The following KCTD1 variants were observed in gnomAD, a reference collection of about 807,000 sequenced individuals.
KCTD1 encodes BTB/POZ domain-containing protein KCTD1.
In KCTD1, 24 loss-of-function variants were observed where a neutral mutation model predicts 66.0. That is an observed-to-expected ratio of 0.36 (90% CI 0.26 to 0.51). The LOEUF (loss-of-function observed/expected upper bound fraction) is 0.51, where lower values mean the gene tolerates loss of function less well. Ranked by LOEUF, KCTD1 falls within the 20% of genes least tolerant of loss-of-function variation. The pLI is 0.95. For synonymous variants in KCTD1, 511 were observed against 517.2 expected (o/e 0.99, Z 0.16); for missense variants, 943 against 1,205.2 (o/e 0.78, Z 3.22).
In KCTD1 at chr18:26,619,242, C is replaced by T. The variant is rs1025836200; in HGVS notation, c.-16+9905G>A. 3.9e-5 allele frequency among the ~76,000 whole-genome samples: 6 copies of T among 152,220 alleles called. 1 individual carries two copies. The South Asian group carries it at 6.2e-4, about 16-fold the overall frequency. ...ATGCCACTGGTATACCCACTCCATACTTCCTGCTACAGTGTGTCTTAAATG... is the reference window on the plus strand; with the variant it reads ...ATGCCACTGGTATACCCACTCCATATTTCCTGCTACAGTGTGTCTTAAATG... On this transcript the variant is annotated intron_variant, in intron 1 of 4. Coordinates refer to the KCTD1 transcript ENST00000317932.
intron 1 of KCTD1, among the ~76,000 whole-genome samples, chr18:26,626,907 G>A (rs1416926002): frequency 6.6e-6 from 1 of 152,168 alleles, no homozygotes; most frequent in African/African-American, 2.4e-5. Context: ...GAACAGAAAG[G>A]AGCCACTACG....
chr18:26,582,280 A>C (rs1986372642), intron 1 of KCTD1, among the ~76,000 whole-genome samples: 1 of 152,068 alleles, frequency 6.6e-6, no homozygotes, highest in African/African-American at 2.4e-5. Flanking sequence ...CTAAAAAAAA[A>C]AAAAAAGTCA....
At chr18:26,656,813 G>A (rs959191860) in intron 1 of KCTD1, among the ~76,000 whole-genome samples, 2 of 150,416 alleles carry the variant, frequency 1.3e-5, no homozygotes, top group African/African-American at 4.9e-5. Context: ...CCCCCGCGGC[G>A]CTGGGCGCTC....
At chr18:26,538,833 G>T (rs1216026491) in intron 1 of KCTD1, among the ~76,000 whole-genome samples, 1 of 152,164 alleles carries the variant, frequency 6.6e-6, no homozygotes, top group Non-Finnish European at 1.5e-5. Context: ...ATGTGGCTCT[G>T]GAGTCTGTTC....
upstream of KCTD1, chr18:26,549,113 A>G (rs900056718): frequency 3.5e-5 from 34 of 984,832 alleles, no homozygotes; most frequent in African/African-American, 4.9e-4. Context: ...GGAGCGGAGC[A>G]GGCAGGTTAA....
upstream of KCTD1, among the ~76,000 whole-genome samples, chr18:26,631,004 TGATTA>T (rs1987607330): frequency 6.6e-6 from 1 of 152,238 alleles, no homozygotes; most frequent in Admixed American, 6.5e-5. Flanking sequence ...TATGCTTTTC[TGATTA>T]GATGGTGGTG....
In KCTD1 at chr18:26,513,998, T is replaced by C. The variant is rs186690061; in HGVS notation, c.1810-12748A>G. On this transcript the variant is annotated intron_variant, in intron 1 of 4. Transcript: ENST00000580059. ...GCAGGAGAAAACAGCAAATAAAATA[T>C]GGTGCTTAATAAGCAAAATGCCTAC... is the stretch of plus-strand genomic sequence containing the variant. Among the ~76,000 whole-genome samples the C allele has an allele frequency of 2.0e-3, 312 of 152,338 alleles. 1 individual carries two copies. The highest frequency in any genetic ancestry group is 3.4e-3 in the Non-Finnish European group (232 of 68,030).
intron 1 of KCTD1, among the ~76,000 whole-genome samples, chr18:26,614,346 C>A (rs909068479): frequency 6.6e-6 from 1 of 152,222 alleles, no homozygotes; most frequent in Admixed American, 6.5e-5. Flanking sequence ...AAGAAGCTCA[C>A]CTTCTAATAG....
upstream of KCTD1, among the ~76,000 whole-genome samples, chr18:26,642,973 G>A (rs1987860369): frequency 6.6e-6 from 1 of 152,208 alleles, no homozygotes; most frequent in Non-Finnish European, 1.5e-5. Context: ...GTGGAAGCAG[G>A]AGGCAGGGAG....
intron 1 of KCTD1, among the ~76,000 whole-genome samples, chr18:26,515,477 G>A (rs1043593769): frequency 6.6e-6 from 1 of 151,612 alleles, no homozygotes; most frequent in Non-Finnish European, 1.5e-5. Flanking sequence ...TGACCCACTA[G>A]GGCTTAGACT....
At chr18:26,573,019 C>A (rs1392124924) in intron 1 of KCTD1, among the ~76,000 whole-genome samples, 2 of 151,518 alleles carry the variant, frequency 1.3e-5, no homozygotes, top group African/African-American at 4.9e-5. Flanking sequence ...ACTCAATAAC[C>A]ACCCCCCCCT....
At chr18:26,652,894 T>C (rs1027233830) in intron 1 of KCTD1, among the ~76,000 whole-genome samples, 2 of 152,216 alleles carry the variant, frequency 1.3e-5, no homozygotes, top group Admixed American at 6.5e-5. Flanking sequence ...GTCTATTCAA[T>C]TAACATGCCC....
intron 3 of KCTD1, among the ~76,000 whole-genome samples, chr18:26,461,576 G>A (rs2144540797): frequency 6.6e-6 from 1 of 152,328 alleles, no homozygotes; most frequent in South Asian, 2.1e-4. Context: ...CAGCCTGAGG[G>A]GTAGGAGTGG....
At chr18:26,511,875 G>C (rs183360468) in intron 1 of KCTD1, among the ~76,000 whole-genome samples, 3 of 152,084 alleles carry the variant, frequency 2.0e-5, no homozygotes, top group African/African-American at 7.2e-5. Flanking sequence ...CAGAGAAGGC[G>C]GGGACCAGCT....
At chr18:26,559,520 T>G (rs1985795274) in intron 1 of KCTD1, among the ~76,000 whole-genome samples, 1 of 152,334 alleles carries the variant, frequency 6.6e-6, no homozygotes, top group African/African-American at 2.4e-5. Context: ...TGCTGGTTCC[T>G]GGACCCCATT....
chr18:26,567,494 T>G (rs1217414663), intron 1 of KCTD1, among the ~76,000 whole-genome samples: 1 of 150,940 alleles, frequency 6.6e-6, no homozygotes, highest in Admixed American at 6.6e-5. Flanking sequence ...TGTTGTTTTT[T>G]TTTTTTTTTT....
intron 1 of KCTD1, among the ~76,000 whole-genome samples, chr18:26,541,132 T>A (rs1984955000): frequency 6.6e-6 from 1 of 152,114 alleles, no homozygotes; most frequent in African/African-American, 2.4e-5. Context: ...CAGGGTTACA[T>A]AAATGAACTC....
chr18:26,504,707 G>C (rs572010693), intron 1 of KCTD1, among the ~76,000 whole-genome samples: 3 of 146,312 alleles, frequency 2.1e-5, no homozygotes, highest in South Asian at 2.1e-4. Context: ...GCTGGGGTTG[G>C]GGGGGCGATA....
chr18:26,534,075 T>A (rs1984575764), intron 1 of KCTD1, among the ~76,000 whole-genome samples: 1 of 152,190 alleles, frequency 6.6e-6, no homozygotes, highest in Non-Finnish European at 1.5e-5. Flanking sequence ...TCAATTTGTA[T>A]ATTTTTTTAT....
Sources: gnomAD v4.1 joint callset for allele counts (sites outside exome capture counted in the v4.1 genomes callset) on GRCh38, gnomAD v4.1.1 for gene constraint, MANE v1.5 for transcripts, NCBI Gene and HGNC (gene_info 2026-07-23, HGNC 2026-07-21) for gene names.